Variants in ADAMTS19 observed in about 807,000 individuals in gnomAD.
ADAMTS19 encodes A disintegrin and metalloproteinase with thrombospondin motifs 19.
Under a neutral mutation model 153.3 loss-of-function variants are expected in ADAMTS19, and 93 were observed. That is an observed-to-expected ratio of 0.61 (90% CI 0.51 to 0.72). ADAMTS19 has a LOEUF of 0.72. ADAMTS19 is among the 30% of genes least tolerant of loss of function. The pLI is 0.00. For synonymous variants in ADAMTS19, 600 were observed against 556.6 expected (o/e 1.08, Z -1.10); for missense variants, 1,482 against 1,552.1 (o/e 0.95, Z 0.76).
In ADAMTS19 at chr5:129,701,415, T is replaced by C; in HGVS notation, c.2982T>C (p.Cys994=). The C allele has an allele frequency of 5.6e-6, 9 of 1,614,234 alleles. No individual in the cohort carries two copies. The highest frequency in any genetic ancestry group is 7.6e-6 in the Non-Finnish European group (9 of 1,180,040). Residue 994 remains cysteine, a synonymous_variant, in exon 20 of 23, where the codon TGT becomes TGC. Transcript: ENST00000274487. ...GGATGATGACAGAATGGACCCCTTG[T>C]TCACGAACTTGTGGAAAAGGAATGC... ...TRWMMTEWTP[C]SRTCGKGMQS...
At chr5:129,580,704 T>C (rs1749471111) in intron 7 of ADAMTS19, among the ~76,000 whole-genome samples, 1 of 152,212 alleles carries the variant, frequency 6.6e-6, no homozygotes, top group Admixed American at 6.5e-5. Context: ...GTCATTTTTG[T>C]CATTGGTTCT....
At chr5:129,541,846 G>C (rs1752664078) in intron 6 of ADAMTS19, among the ~76,000 whole-genome samples, 1 of 152,070 alleles carries the variant, frequency 6.6e-6, no homozygotes, top group Non-Finnish European at 1.5e-5. Flanking sequence ...TGTGTCCATA[G>C]AATTATGCAG....
At chr5:129,486,039 C>T (rs755597729) in intron 2 of ADAMTS19, among the ~76,000 whole-genome samples, 112 of 152,120 alleles carry the variant, frequency 7.4e-4, no homozygotes, top group Non-Finnish European at 1.1e-3. Flanking sequence ...GATCTGCTCG[C>T]CTCACCCTCC....
chr5:129,550,663 A>C lies in ADAMTS19; in HGVS notation c.1329-1201A>C, dbSNP rs573581437. Reference sequence around the variant, plus strand: ...TTGAAAGCTAACCATTATAAAGATCAATGTGACTTCATTGGTGAATAGGCA... The same window carrying C: ...TTGAAAGCTAACCATTATAAAGATCCATGTGACTTCATTGGTGAATAGGCA... On this transcript the variant is annotated intron_variant, in intron 6 of 22. Coordinates refer to ENST00000274487, the MANE Select transcript of ADAMTS19 (RefSeq NM_133638.6). Among the ~76,000 whole-genome samples, 3 of 151,560 alleles carry C rather than the reference A, an allele frequency of 2.0e-5. No individual in the cohort carries two copies. The East Asian group carries it at 5.8e-4, about 29-fold the overall frequency.
In ADAMTS19 at chr5:129,463,109, C is replaced by T. The variant is rs986733347; in HGVS notation, c.747+1352C>T. Among the ~76,000 whole-genome samples, 4 of 152,252 alleles carry T rather than the reference C, an allele frequency of 2.6e-5. No homozygotes were observed. The East Asian group carries it at 7.7e-4, about 29-fold the overall frequency. On this transcript the variant is annotated intron_variant, in intron 2 of 22. Coordinates refer to ENST00000274487, the MANE Select transcript of ADAMTS19 (RefSeq NM_133638.6). ...TTTTATTAAAAGGTTTTATGTGGAA[C>T]TGATGTTTGAACATTTCACTGGGGA...
In ADAMTS19 at chr5:129,679,908, C is replaced by A. The variant is rs779068109; in HGVS notation, c.2651C>A (p.Pro884His). ...KISAKGPTTA[P>H]LHLLVLLFQD... ...TCTGCCAAAGGTCCTACTACAGCAC[C>A]TTTACATCTTCTGGTATGAGGGAAT... is the stretch of plus-strand genomic sequence containing the variant. Residue 884 changes from proline (P) to histidine (H), a missense_variant, in exon 17 of 23, where the codon CCT becomes CAT. Pro to His is a moderately conservative substitution (Grantham distance 77, BLOSUM62 -2). Around this residue, in one of 2 missense-constraint regions of ADAMTS19, gnomAD observed 616 missense variants for 724.4 expected, o/e 0.85. Coordinates refer to ENST00000274487, the MANE Select transcript of ADAMTS19 (RefSeq NM_133638.6). The A allele has an allele frequency of 2.5e-6, 4 of 1,612,582 alleles. No homozygotes were observed. The South Asian group carries it at 3.3e-5, about 13-fold the overall frequency.
chr5:129,592,965 C>T (rs1750213236), intron 7 of ADAMTS19, among the ~76,000 whole-genome samples: 2 of 152,104 alleles, frequency 1.3e-5, no homozygotes, highest in Admixed American at 1.3e-4. Context: ...TATACATTTA[C>T]ATTTTATTGC....
intron 8 of ADAMTS19, among the ~76,000 whole-genome samples, chr5:129,601,046 T>G (rs533030020): frequency 6.6e-6 from 1 of 152,206 alleles, no homozygotes; most frequent in Admixed American, 6.5e-5. Context: ...AAATTTTTTT[T>G]GTTTTTAGTA....
chr5:129,504,017 A>G (rs1447291703), intron 2 of ADAMTS19, among the ~76,000 whole-genome samples: 1 of 152,202 alleles, frequency 6.6e-6, no homozygotes, highest in Non-Finnish European at 1.5e-5. Context: ...TTGGGACAAT[A>G]GACTTATATC....
chr5:129,513,138 C>T (rs544640672), intron 3 of ADAMTS19, among the ~76,000 whole-genome samples: 6 of 151,770 alleles, frequency 4.0e-5, no homozygotes, highest in South Asian at 2.1e-4. Context: ...CCAATATCCT[C>T]GACTATTTAT....
intron 19 of ADAMTS19, among the ~76,000 whole-genome samples, chr5:129,697,051 C>A (rs1755590368): frequency 6.6e-6 from 1 of 152,128 alleles, no homozygotes; most frequent in East Asian, 1.9e-4. Context: ...AGGGCCATTT[C>A]AAAGTATGTC....
At chr5:129,561,456 G>T (rs1239656019) in intron 7 of ADAMTS19, among the ~76,000 whole-genome samples, 1 of 151,566 alleles carries the variant, frequency 6.6e-6, no homozygotes, top group Non-Finnish European at 1.5e-5. Context: ...GTGAACCCGG[G>T]AAGCGGAGCT....
intron 3 of ADAMTS19, among the ~76,000 whole-genome samples, chr5:129,509,713 G>C (rs114961150): frequency 0.01 from 1,539 of 152,024 alleles, 22 homozygotes; most frequent in African/African-American, 0.034. Flanking sequence ...TGCAGAATAG[G>C]AAGAAGAGTA....
At chr5:129,727,104 C>A (rs73785265) in intron 21 of ADAMTS19, among the ~76,000 whole-genome samples, 84 of 152,150 alleles carry the variant, frequency 5.5e-4, no homozygotes, top group African/African-American at 2.0e-3. Flanking sequence ...CCAAGATATT[C>A]TATGTAAAAG....
chr5:129,711,341 C>A (rs895411734), intron 21 of ADAMTS19, among the ~76,000 whole-genome samples: 1 of 152,094 alleles, frequency 6.6e-6, no homozygotes, highest in Non-Finnish European at 1.5e-5. Flanking sequence ...ATGCCAGAGG[C>A]CTGAATGTCA....
intron 7 of ADAMTS19, among the ~76,000 whole-genome samples, chr5:129,553,176 CA>C (rs1217729796): frequency 6.6e-6 from 1 of 152,044 alleles, no homozygotes; most frequent in Admixed American, 6.6e-5. Flanking sequence ...ATGTTGCCCC[CA>C]AAAGCCTTGT....
intron 7 of ADAMTS19, among the ~76,000 whole-genome samples, chr5:129,566,759 C>T (rs1215821299): frequency 1.3e-5 from 2 of 152,094 alleles, no homozygotes; most frequent in African/African-American, 2.4e-5. Context: ...TCTACAATCC[C>T]ATGATAGCAG....
At position 129,551,918 on chromosome 5, in the gene ADAMTS19, A is replaced by G; in HGVS notation, c.1372+11A>G. 1 of 1,550,928 alleles carries G rather than the reference A, an allele frequency of 6.4e-7. No homozygotes were observed. Among genetic ancestry groups the G allele is most frequent in the Non-Finnish European group, 8.7e-7 (1 of 1,147,926 alleles). On this transcript the variant is annotated intron_variant, in intron 7 of 22. Coordinates refer to ENST00000274487, the MANE Select transcript of ADAMTS19 (RefSeq NM_133638.6). ...CATGTGATACTGTTGGTAAGTGTGAAAATTCTCACACTTTTGGAGTTCTGG... is the reference window on the plus strand; with the variant it reads ...CATGTGATACTGTTGGTAAGTGTGAGAATTCTCACACTTTTGGAGTTCTGG...
chr5:129,684,709 C>T (rs913983784), intron 18 of ADAMTS19, among the ~76,000 whole-genome samples: 5 of 151,806 alleles, frequency 3.3e-5, no homozygotes, highest in Admixed American at 2.0e-4. Flanking sequence ...TTATTTGGGC[C>T]GGGCGCGGTG....
Sources: allele counts gnomAD v4.1 joint callset (sites outside exome capture counted in the v4.1 genomes callset), GRCh38; gene constraint gnomAD v4.1.1; regional missense constraint gnomAD v4.1.1; transcripts MANE v1.5; gene names NCBI Gene and HGNC (gene_info 2026-07-23, HGNC 2026-07-21).